Variants in DOCK5 observed in about 807,000 individuals in gnomAD.
The protein encoded by DOCK5 is dedicator of cytokinesis protein 5.
A neutral mutation model predicts 251.8 loss-of-function variants in DOCK5; 142 were observed. The observed-to-expected ratio is 0.56, with a 90% CI of 0.49 to 0.65. DOCK5 has a LOEUF of 0.65. Ranked by LOEUF, DOCK5 falls within the 30% of genes least tolerant of loss-of-function variation. DOCK5 has a pLI of 0.00. For synonymous variants in DOCK5, 842 were observed against 835.5 expected, an observed-to-expected ratio of 1.01 and a Z score of -0.13; for missense variants, 2,111 against 2,312.3, an observed-to-expected ratio of 0.91 and a Z score of 1.79.
intron 3 of DOCK5, among the ~76,000 whole-genome samples, chr8:25,272,917 A>G (rs1176584447): frequency 6.6e-6 from 1 of 151,886 alleles, no homozygotes; most frequent in African/African-American, 2.4e-5. Flanking sequence ...TTCTGTCTTT[A>G]TGAATTTGAC....
intron 1 of DOCK5, among the ~76,000 whole-genome samples, chr8:25,231,489 A>C (rs537003663): frequency 6.6e-6 from 1 of 152,338 alleles, no homozygotes; most frequent in African/African-American, 2.4e-5. Flanking sequence ...TTGTTGTAGT[A>C]TAGAGAAATA....
intron 3 of DOCK5, among the ~76,000 whole-genome samples, chr8:25,274,500 G>C (rs890076005): frequency 1.3e-5 from 2 of 152,220 alleles, no homozygotes; most frequent in African/African-American, 4.8e-5. Context: ...CTGTTGGTTA[G>C]ATCTGGTCCT....
At chr8:25,287,884 C>T (rs1804379926) in intron 5 of DOCK5, among the ~76,000 whole-genome samples, 1 of 142,988 alleles carries the variant, frequency 7.0e-6, no homozygotes, top group Non-Finnish European at 1.5e-5. Flanking sequence ...TTAGCATATG[C>T]TCTTTTTTTT....
At chr8:25,200,496 A>C (rs890852720) in intron 1 of DOCK5, among the ~76,000 whole-genome samples, 2 of 152,238 alleles carry the variant, frequency 1.3e-5, no homozygotes, top group Non-Finnish European at 2.9e-5. Context: ...GTAGTGGTTG[A>C]AGGATGATCT....
chr8:25,332,189 A>G (rs904165249), intron 18 of DOCK5, 62 bp from the exon 19 acceptor site: 12 of 1,262,936 alleles, frequency 9.5e-6, no homozygotes, highest in Non-Finnish European at 1.3e-5. Context: ...TTCTTTAGCT[A>G]TGTCCTGAAA....
chr8:25,195,251 CTTTTTTTTTTT>C (rs59704416), intron 1 of DOCK5, among the ~76,000 whole-genome samples: 2 of 106,232 alleles, frequency 1.9e-5, no homozygotes, highest in East Asian at 2.6e-4. Context: ...CTCCTTATCA[CTTTTTTTTTTT>C]TTTTTTTTTT....
At chr8:25,284,969 T>C (rs907506018) in intron 5 of DOCK5, among the ~76,000 whole-genome samples, 3 of 152,180 alleles carry the variant, frequency 2.0e-5, no homozygotes, top group Non-Finnish European at 4.4e-5. Context: ...TTTAGTTTCG[T>C]GCTATTCCTC....
chr8:25,319,012 A>T (rs1435828858), intron 14 of DOCK5, among the ~76,000 whole-genome samples: 1 of 152,158 alleles, frequency 6.6e-6, no homozygotes, highest in Non-Finnish European at 1.5e-5. Context: ...ATAAGAGCAC[A>T]TGAGCTCATT....
chr8:25,372,828 T>G, intron 35 of DOCK5, 110 bp downstream of exon 35: 1 of 1,086,734 alleles, frequency 9.2e-7, no homozygotes. Context: ...TGAGGCACCT[T>G]TGTGGAGCCG....
At chr8:25,226,204 G>A (rs1333145697) in intron 1 of DOCK5, among the ~76,000 whole-genome samples, 1 of 150,310 alleles carries the variant, frequency 6.7e-6, no homozygotes, top group Non-Finnish European at 1.5e-5. Flanking sequence ...AGGGTAGTAT[G>A]TATCCTCCAC....
intron 48 of DOCK5, among the ~76,000 whole-genome samples, chr8:25,407,227 A>G (rs995455234): frequency 2.6e-5 from 4 of 152,006 alleles, no homozygotes; most frequent in African/African-American, 4.8e-5. Context: ...AGTAATCTAG[A>G]TTCTAGATTA....
chr8:25,259,508 C>T (rs1422888895), intron 2 of DOCK5, among the ~76,000 whole-genome samples: 2 of 152,122 alleles, frequency 1.3e-5, no homozygotes, highest in Non-Finnish European at 2.9e-5. Context: ...TAGGGTAGAA[C>T]ACAGTGGCAC....
At position 25,401,014 on chromosome 8, in the gene DOCK5, G is replaced by C; in HGVS notation, c.4874G>C (p.Cys1625Ser). The C allele has an allele frequency of 6.2e-7, 1 of 1,614,010 alleles. No homozygotes were observed. Among genetic ancestry groups the C allele is most frequent in the Non-Finnish European group, 8.5e-7 (1 of 1,179,900 alleles). The change falls in exon 47 of 52, where the codon TGC becomes TCC. Residue 1625 changes from cysteine (C) to serine (S), a missense_variant. Cys to Ser is a moderately radical substitution (Grantham distance 112). Coordinates refer to ENST00000276440, the MANE Select transcript of DOCK5 (RefSeq NM_024940.8). ...CCGCTGCATGAGCGGTTGTCTTCTTGCTTCCGGGAACTCAAGGAGAAAGTA... is the reference window on the plus strand; with the variant it reads ...CCGCTGCATGAGCGGTTGTCTTCTTCCTTCCGGGAACTCAAGGAGAAAGTA... ...LKPLHERLSS[C>S]FRELKEKVEK...
chr8:25,189,046 C>CTTTTTTTTTT (rs869176300), intron 1 of DOCK5, among the ~76,000 whole-genome samples: 2 of 33,438 alleles, frequency 6.0e-5, no homozygotes, highest in Non-Finnish European at 8.1e-5. Context: ...TTCTTTCTTT[C>CTTTTTTTTTT]TTTTTTTTTT....
At chr8:25,325,008 G>GGTGTATAT (rs1805527119) in intron 17 of DOCK5, among the ~76,000 whole-genome samples, 6 of 151,760 alleles carry the variant, frequency 4.0e-5, no homozygotes. Flanking sequence ...AGTATTCCAT[G>GGTGTATAT]GTGTATATGT....
chr8:25,409,059 A>C (rs1315295063), intron 50 of DOCK5, 119 bp downstream of exon 50: 1 of 1,437,406 alleles, frequency 7.0e-7, no homozygotes, highest in Non-Finnish European at 9.6e-7. Flanking sequence ...AAACTGGTTC[A>C]ATTTCGTGTT....
intron 28 of DOCK5, among the ~76,000 whole-genome samples, chr8:25,360,233 T>G (rs1800652329): frequency 6.6e-6 from 1 of 152,180 alleles, no homozygotes; most frequent in African/African-American, 2.4e-5. Flanking sequence ...TACAAGGAAT[T>G]GGAAGGAAAG....
chr8:25,345,252 T>G, intron 25 of DOCK5: 1 of 380,980 alleles, frequency 2.6e-6, no homozygotes, highest in Non-Finnish European at 4.6e-6. Context: ...GTGAGAAGGG[T>G]CATTTTTTTT....
At chr8:25,350,510 A>G (rs772305544) in intron 26 of DOCK5, among the ~76,000 whole-genome samples, 5 of 152,230 alleles carry the variant, frequency 3.3e-5, no homozygotes, top group Admixed American at 6.5e-5. Flanking sequence ...GAAGTTGAAT[A>G]ATTGCTCAAA....
Sources: gnomAD v4.1 joint callset for allele counts (sites outside exome capture counted in the v4.1 genomes callset) on GRCh38, gnomAD v4.1.1 for gene constraint, MANE v1.5 for transcripts, NCBI Gene and HGNC (gene_info 2026-07-23, HGNC 2026-07-21) for gene names.